The following CATSPERE variants were observed in gnomAD, a reference collection of about 807,000 sequenced individuals.
CATSPERE encodes cation channel sperm-associated auxiliary subunit epsilon.
CATSPERE carries 93 observed loss-of-function variants against 114.1 expected under a neutral mutation model. That is an observed-to-expected ratio of 0.81 (90% CI 0.69 to 0.97). The LOEUF (loss-of-function observed/expected upper bound fraction) is 0.97. Ranked by LOEUF, CATSPERE falls within the 50% of genes least tolerant of loss-of-function variation. The pLI is 0.00. For missense variants in CATSPERE, 1,058 were observed against 1,131.6 expected, an observed-to-expected ratio of 0.93 and a Z score of 0.93; for synonymous variants, 341 against 384.1, an observed-to-expected ratio of 0.89 and a Z score of 1.31.
At chr1:244,528,449 TTAAA>T (rs558879795) in intron 8 of CATSPERE, among the ~76,000 whole-genome samples, 53 of 152,120 alleles carry the variant, frequency 3.5e-4, no homozygotes, top group Non-Finnish European at 5.7e-4. Context: ...ACTAGAAAAA[TTAAA>T]TAGTACATTG....
upstream of CATSPERE, chr1:244,452,112 G>C (rs1665656291): frequency 3.9e-6 from 1 of 258,124 alleles, no homozygotes; most frequent in Non-Finnish European, 7.3e-6. Context: ...CGCCCCTTCC[G>C]CGGCCTGGCG....
At position 244,552,332 on chromosome 1, in the gene CATSPERE, A is replaced by G; in HGVS notation, c.547A>G (p.Ile183Val). Residue 183 changes from isoleucine to valine, a missense_variant, in exon 9 of 22, where the codon ATT becomes GTT. Around this residue, in one of 2 missense-constraint regions of CATSPERE, gnomAD observed 271 missense variants for 225.9 expected, o/e 1.20. Transcript: ENST00000366534. ...TCTTTCTCTTCTTAGGACCTGGCGT[A>G]TTGTAGTACCAATGACAAAAGATGA... ...NEKMRRGTWR[I>V]VVPMTKDDAL... The G allele has an allele frequency of 3.1e-6, 5 of 1,608,788 alleles. No homozygotes were observed. Among genetic ancestry groups the G allele is most frequent in the Non-Finnish European group, 4.2e-6 (5 of 1,177,416 alleles).
chr1:244,546,050 G>A (rs1659704167), intron 8 of CATSPERE, among the ~76,000 whole-genome samples: 1 of 152,216 alleles, frequency 6.6e-6, no homozygotes, highest in South Asian at 2.1e-4. Context: ...CCCTGAAGCA[G>A]AATGCTAAGG....
intron 8 of CATSPERE, among the ~76,000 whole-genome samples, chr1:244,521,501 T>G (rs546785377): frequency 2.0e-5 from 3 of 152,176 alleles, no homozygotes; most frequent in Non-Finnish European, 4.4e-5. Context: ...AGGAGTAAAA[T>G]TAGATGATCA....
intron 9 of CATSPERE, among the ~76,000 whole-genome samples, chr1:244,558,762 C>T (rs978167694): frequency 1.3e-5 from 2 of 152,104 alleles, no homozygotes; most frequent in Admixed American, 1.3e-4. Flanking sequence ...ACTCTGCACT[C>T]CCCTCTCCTT....
chr1:244,558,183 C>T (rs1661983109), intron 9 of CATSPERE, among the ~76,000 whole-genome samples: 1 of 148,706 alleles, frequency 6.7e-6, no homozygotes. Flanking sequence ...TCTTGTTGCC[C>T]AGGCTGGAAG....
chr1:244,601,899 T>A (rs749848385), intron 17 of CATSPERE, among the ~76,000 whole-genome samples: 3 of 151,434 alleles, frequency 2.0e-5, no homozygotes, highest in African/African-American at 4.9e-5. Flanking sequence ...GGTTGCAGTG[T>A]GCCAAGATCG....
chr1:244,637,922 T>C lies in CATSPERE; in HGVS notation c.2703-2006T>C, dbSNP rs114201021. ...ACATAAAAATCTACTAACATCTACA[T>C]CCATCCTCTCCTCTTTCCGTCCTGT... On this transcript the variant is annotated intron_variant, in intron 21 of 21. Coordinates refer to ENST00000366534, the MANE Select transcript of CATSPERE (RefSeq NM_001130957.2). 6.0e-3 allele frequency among the ~76,000 whole-genome samples: 907 copies of C among 152,306 alleles called. 11 individuals are homozygous for C. The highest frequency in any genetic ancestry group is 0.019 in the African/African-American group (789 of 41,552).
intron 20 of CATSPERE, among the ~76,000 whole-genome samples, chr1:244,621,086 T>A (rs1672115416): frequency 1.4e-5 from 1 of 70,556 alleles, no homozygotes; most frequent in Non-Finnish European, 2.7e-5. Context: ...TATATATAAA[T>A]ATATATAAAA....
intron 11 of CATSPERE, among the ~76,000 whole-genome samples, chr1:244,574,228 T>C (rs1011652832): frequency 3.3e-5 from 5 of 151,912 alleles, no homozygotes; most frequent in African/African-American, 1.2e-4. Flanking sequence ...TCCTAAATAA[T>C]AAAGGGGCAT....
Position 244,601,815 on chromosome 1 carries a change from TG to T in CATSPERE, c.2304-3877del, listed in dbSNP as rs1558573315. 4.6e-5 allele frequency among the ~76,000 whole-genome samples: 7 copies of T among 151,852 alleles called. 1 individual carries two copies. In the South Asian group the frequency reaches 1.5e-3, roughly 32 times the overall value. On this transcript the variant is annotated intron_variant, in intron 17 of 21. Coordinates refer to ENST00000366534, the MANE Select transcript of CATSPERE (RefSeq NM_001130957.2). ...TAAAAACATAGAAATTAGCCGGGCG[TG>T]GGTGGTGGGCGCCTGTAATCCCAGC...
Position 244,639,973 on chromosome 1 carries a change from G to A in CATSPERE, c.2748G>A (p.Leu916=), listed in dbSNP as rs1348641503. Residue 916 remains leucine, a synonymous_variant, in exon 22 of 22, where the codon CTG becomes CTA. Transcript: ENST00000366534. The part of the protein sequence containing the change: ...LVASFLFVLM[L]LFFTILVLSY... ...CTTCTTTCCTCTTCGTCCTGATGCT[G>A]CTCTTCTTCACTATTCTTGTTTTGA... 1 of 1,549,120 alleles carries A rather than the reference G, an allele frequency of 6.5e-7. No homozygotes were observed.
intron 4 of CATSPERE, among the ~76,000 whole-genome samples, chr1:244,478,281 G>C (rs1558330974): frequency 6.6e-6 from 1 of 152,110 alleles, no homozygotes; most frequent in Non-Finnish European, 1.5e-5. Context: ...TGGGTCTCCT[G>C]TCATACACCC....
chr1:244,552,767 A>C lies in CATSPERE; in HGVS notation c.982A>C (p.Thr328Pro). 1 of 1,610,292 alleles carries C rather than the reference A, an allele frequency of 6.2e-7. No homozygotes were observed. Among genetic ancestry groups the C allele is most frequent in the South Asian group, 1.1e-5 (1 of 89,982 alleles). Residue 328 changes from threonine to proline, a missense_variant, in exon 9 of 22, where the codon ACT becomes CCT. By Grantham distance (38) the Thr-to-Pro change is conservative. Coordinates refer to ENST00000366534, the MANE Select transcript of CATSPERE (RefSeq NM_001130957.2). ...GIVNLPDGGI[T>P]GISSRKWCWV... ...TGTAAATCTTCCTGATGGTGGAATT[A>C]CTGGCATTTCATCAAGAAAATGGTG... is the stretch of plus-strand genomic sequence containing the variant.
At chr1:244,528,021 C>T (rs552582434) in intron 8 of CATSPERE, among the ~76,000 whole-genome samples, 52 of 152,276 alleles carry the variant, frequency 3.4e-4, no homozygotes, top group Admixed American at 8.5e-4. Flanking sequence ...GTAACATGTG[C>T]CATGGTGGTT....
At chr1:244,508,997 A>C (rs1298021762) in intron 7 of CATSPERE, among the ~76,000 whole-genome samples, 1 of 151,944 alleles carries the variant, frequency 6.6e-6, no homozygotes, top group Non-Finnish European at 1.5e-5. Flanking sequence ...AAAAAAAAAA[A>C]AATTGTGTCA....
chr1:244,451,379 T>A (rs1400292971), upstream of CATSPERE, among the ~76,000 whole-genome samples: 4 of 152,108 alleles, frequency 2.6e-5, no homozygotes, highest in African/African-American at 7.2e-5. The surrounding 1 kb of genome is among the most constrained non-coding windows in gnomAD (Gnocchi z 6.6). Flanking sequence ...GCATCGCGCA[T>A]CTCTCAAAGG....
intron 6 of CATSPERE, among the ~76,000 whole-genome samples, chr1:244,494,424 G>A (rs1322852808): frequency 7.2e-6 from 1 of 138,948 alleles, no homozygotes; most frequent in Non-Finnish European, 1.5e-5. Context: ...GACACAGGAA[G>A]GGGAACATCC....
In CATSPERE at chr1:244,572,703, C is replaced by T; in HGVS notation, c.1881C>T (p.Gly627=). The T allele has an allele frequency of 6.2e-7, 1 of 1,613,350 alleles. No individual in the cohort carries two copies. Among genetic ancestry groups the T allele is most frequent in the Non-Finnish European group, 8.5e-7 (1 of 1,179,768 alleles). The change falls in exon 11 of 22, where the codon GGC becomes GGT. Residue 627 remains glycine, a synonymous_variant. Coordinates refer to ENST00000366534, the MANE Select transcript of CATSPERE (RefSeq NM_001130957.2). The part of the protein sequence containing the change: ...TGLYVIVESY[G]PKILQESHEI... ...TGTATGTTATTGTGGAATCTTATGG[C>T]CCAAAAATATTACAAGAGAGTCATG... is the stretch of plus-strand genomic sequence containing the variant.
Sources: gnomAD v4.1 joint callset for allele counts (sites outside exome capture counted in the v4.1 genomes callset) on GRCh38, gnomAD v4.1.1 for gene constraint, gnomAD v4.1.1 regional missense constraint, Gnocchi (gnomAD v3.1) non-coding constraint, MANE v1.5 for transcripts, NCBI Gene and HGNC (gene_info 2026-07-23, HGNC 2026-07-21) for gene names.